Variants in TSNARE1 observed in about 807,000 individuals in gnomAD.
TSNARE1 encodes t-SNARE domain containing 1, also known as t-SNARE domain-containing protein 1.
A neutral mutation model predicts 62.0 loss-of-function variants in TSNARE1; 49 were observed. The ratio of observed to expected loss-of-function variants is 0.79; its 90% CI spans 0.63 to 1.00. The LOEUF is 1.00. Ranked by LOEUF, TSNARE1 falls within the 50% of genes least tolerant of loss-of-function variation. TSNARE1 has a pLI of 0.00. For synonymous variants in TSNARE1, 328 were observed against 294.4 expected, an observed-to-expected ratio of 1.11 and a Z score of -1.17; for missense variants, 755 against 700.1, an observed-to-expected ratio of 1.08 and a Z score of -0.88.
intron 12 of TSNARE1, among the ~76,000 whole-genome samples, chr8:142,243,299 C>T (rs763374035): frequency 9.2e-5 from 14 of 152,198 alleles, no homozygotes; most frequent in Non-Finnish European, 1.9e-4. Flanking sequence ...GACACTGGCA[C>T]GCCCATGTTT....
At chr8:142,329,020 G>A (rs1194437574) in intron 6 of TSNARE1, among the ~76,000 whole-genome samples, 6 of 152,316 alleles carry the variant, frequency 3.9e-5, no homozygotes, top group East Asian at 1.9e-4. Context: ...AAATGATGGC[G>A]GCCGTGGATG....
chr8:142,349,550 A>G (rs1413253944), intron 2 of TSNARE1, among the ~76,000 whole-genome samples: 1 of 152,220 alleles, frequency 6.6e-6, no homozygotes, highest in Non-Finnish European at 1.5e-5. Context: ...TCGCACGCAC[A>G]GAAGGGGGAA....
intron 6 of TSNARE1, among the ~76,000 whole-genome samples, chr8:142,328,818 T>TGGGGC (rs1563923331): frequency 1.5e-4 from 9 of 58,342 alleles, no homozygotes; most frequent in African/African-American, 8.2e-4. Context: ...GGGAGGCCTT[T>TGGGGC]GGGGGGGGGG....
intron 1 of TSNARE1, among the ~76,000 whole-genome samples, chr8:142,371,643 G>T (rs966391764): frequency 4.6e-5 from 7 of 152,206 alleles, no homozygotes; most frequent in Admixed American, 4.6e-4. Flanking sequence ...ACTTGCAGGC[G>T]TTGGAAACAC....
At chr8:142,269,749 AC>A in intron 12 of TSNARE1, 1 of 985,396 alleles carries the variant, frequency 1.0e-6, no homozygotes, top group Non-Finnish European at 1.2e-6. Flanking sequence ...CCAGGGTGGA[AC>A]CATCAGAGTG....
At chr8:142,254,252 G>C (rs1818318127) in intron 12 of TSNARE1, among the ~76,000 whole-genome samples, 1 of 152,204 alleles carries the variant, frequency 6.6e-6, no homozygotes, top group African/African-American at 2.4e-5. Context: ...CCAGGAGTCA[G>C]AGGCTGCAAC....
At chr8:142,365,076 A>T (rs1343729980) in intron 1 of TSNARE1, among the ~76,000 whole-genome samples, 1 of 152,242 alleles carries the variant, frequency 6.6e-6, no homozygotes, top group Non-Finnish European at 1.5e-5. Context: ...ACTTTACATA[A>T]GAGAAGTCTG....
intron 12 of TSNARE1, chr8:142,270,980 G>A: frequency 1.0e-6 from 1 of 985,504 alleles, no homozygotes; most frequent in African/African-American, 1.7e-5. Context: ...TTGTCCCGGT[G>A]CCCTGGAGAC....
At chr8:142,378,310 G>A (rs1057405739) in intron 1 of TSNARE1, among the ~76,000 whole-genome samples, 2 of 152,210 alleles carry the variant, frequency 1.3e-5, no homozygotes, top group South Asian at 2.1e-4. Context: ...ACCATTTACA[G>A]AAAATTCTAG....
chr8:142,328,650 C>T (rs538840759), intron 6 of TSNARE1, among the ~76,000 whole-genome samples: 2 of 152,312 alleles, frequency 1.3e-5, no homozygotes, highest in Admixed American at 1.3e-4. Context: ...AGCCACACAC[C>T]AGGGGTGCGC....
At chr8:142,273,274 G>A (rs1471074882) in intron 12 of TSNARE1, 75 of 985,310 alleles carry the variant, frequency 7.6e-5, no homozygotes, top group Non-Finnish European at 7.7e-5. Flanking sequence ...TGATCCCAGG[G>A]TGCTCAGGAG....
intron 1 of TSNARE1, among the ~76,000 whole-genome samples, chr8:142,387,872 T>C (rs968512076): frequency 1.3e-5 from 2 of 152,204 alleles, no homozygotes; most frequent in Non-Finnish European, 2.9e-5. Context: ...TTCCAGAGAA[T>C]GGCATAAGAA....
intron 11 of TSNARE1, among the ~76,000 whole-genome samples, chr8:142,280,497 T>C (rs1821243562): frequency 6.6e-6 from 1 of 152,096 alleles, no homozygotes; most frequent in Non-Finnish European, 1.5e-5. Flanking sequence ...TCTCAGCTAC[T>C]CTCTGGGCCT....
chr8:142,240,040 A>G (rs1323110647), intron 12 of TSNARE1, among the ~76,000 whole-genome samples: 1 of 152,248 alleles, frequency 6.6e-6, no homozygotes, highest in Non-Finnish European at 1.5e-5. Context: ...TAAACTCGCC[A>G]ATGAAAAGAC....
At chr8:142,314,080 C>CGT (rs142793857) in intron 9 of TSNARE1, among the ~76,000 whole-genome samples, 32 of 152,150 alleles carry the variant, frequency 2.1e-4, no homozygotes, top group African/African-American at 4.3e-4. Flanking sequence ...CGCCCGGCCA[C>CGT]GTGTGTGTGT....
chr8:142,220,993 T>C (rs1302721632), intron 13 of TSNARE1, among the ~76,000 whole-genome samples: 1 of 152,212 alleles, frequency 6.6e-6, no homozygotes, highest in Non-Finnish European at 1.5e-5. Flanking sequence ...ATGTGGTGCA[T>C]TGTCACGTCC....
intron 4 of TSNARE1, among the ~76,000 whole-genome samples, chr8:142,333,111 G>A (rs1229803171): frequency 6.6e-6 from 1 of 152,256 alleles, no homozygotes; most frequent in Non-Finnish European, 1.5e-5. Context: ...CAGGGCCGGA[G>A]GGACCCTCCT....
chr8:142,272,951 C>T (rs1276703931), intron 12 of TSNARE1: 1 of 985,354 alleles, frequency 1.0e-6, no homozygotes, highest in Admixed American at 6.1e-5. Context: ...TCACAGATGC[C>T]TCATCCCTCC....
intron 12 of TSNARE1, among the ~76,000 whole-genome samples, chr8:142,250,762 C>T (rs1818122247): frequency 6.6e-6 from 1 of 152,230 alleles, no homozygotes; most frequent in Non-Finnish European, 1.5e-5. Context: ...CTGGCCAGCC[C>T]TGCTTCCCTG....
Sources: gnomAD v4.1 joint callset for allele counts (sites outside exome capture counted in the v4.1 genomes callset) on GRCh38, gnomAD v4.1.1 for gene constraint, MANE v1.5 for transcripts, NCBI Gene and HGNC (gene_info 2026-07-23, HGNC 2026-07-21) for gene names.